Variants in WWP2 observed in about 807,000 individuals in gnomAD.
WWP2 encodes the protein NEDD4-like E3 ubiquitin-protein ligase WWP2.
Under a neutral mutation model 121.0 loss-of-function variants are expected in WWP2, and 57 were observed. The ratio of observed to expected loss-of-function variants is 0.47; its 90% CI spans 0.38 to 0.59. The LOEUF is 0.59. Among genes scored for constraint, WWP2 ranks in the 20% least tolerant of loss-of-function variants. The pLI, the probability that WWP2 is intolerant of heterozygous loss-of-function variation, is 0.00. For synonymous variants in WWP2, 449 were observed against 441.3 expected (o/e 1.02, Z -0.22); for missense variants, 962 against 1,158.9 (o/e 0.83, Z 2.47).
At chr16:69,894,850 A>T (rs1294791076) in intron 8 of WWP2, 2 of 152,236 alleles carry the variant, frequency 1.3e-5, no homozygotes, top group Non-Finnish European at 1.5e-5. Flanking sequence ...TCGGTCCCAC[A>T]CACACAGAGG....
intron 6 of WWP2, among the ~76,000 whole-genome samples, chr16:69,843,299 G>C (rs916299661): frequency 6.6e-6 from 1 of 151,906 alleles, no homozygotes; most frequent in African/African-American, 2.4e-5. Context: ...TACAAATGAC[G>C]TAATGTTATT....
intron 4 of WWP2, among the ~76,000 whole-genome samples, chr16:69,817,702 G>A (rs2056521622): frequency 3.2e-5 from 4 of 126,020 alleles, no homozygotes; most frequent in Admixed American, 1.9e-4. Context: ...ATGGAGTCTC[G>A]CTCCGTCACA....
At chr16:69,786,012 T>G (rs998262673) in intron 1 of WWP2, 2 of 151,622 alleles carry the variant, frequency 1.3e-5, no homozygotes, top group Non-Finnish European at 2.9e-5. Flanking sequence ...CAAGGATTAC[T>G]GTCAGATTCT....
chr16:69,809,936 C>T (rs78683583), intron 4 of WWP2, among the ~76,000 whole-genome samples: 326 of 152,256 alleles, frequency 2.1e-3, no homozygotes, highest in African/African-American at 7.4e-3. Flanking sequence ...ATGGGCTTGC[C>T]CCTTGCTCTT....
chr16:69,853,611 A>G (rs3790087), intron 6 of WWP2, among the ~76,000 whole-genome samples: 24,101 of 152,158 alleles, frequency 0.16, 2,252 homozygotes, highest in East Asian at 0.4. Flanking sequence ...TGTCTGATAC[A>G]GTGGGGCTGA....
At chr16:69,894,140 A>G (rs1334058910) in intron 8 of WWP2, among the ~76,000 whole-genome samples, 3 of 150,072 alleles carry the variant, frequency 2.0e-5, no homozygotes, top group Non-Finnish European at 4.4e-5. Context: ...CAGTGGCAAG[A>G]TCATGGCTCA....
chr16:69,812,477 C>CCCCCT (rs1567679792), intron 4 of WWP2, among the ~76,000 whole-genome samples: 1 of 119,902 alleles, frequency 8.3e-6, no homozygotes, highest in Non-Finnish European at 1.7e-5. Flanking sequence ...AACCCCCCCC[C>CCCCCT]TTTTTTTTTT....
chr16:69,911,764 G>C (rs1475835522), intron 9 of WWP2, among the ~76,000 whole-genome samples: 2 of 152,130 alleles, frequency 1.3e-5, no homozygotes, highest in Non-Finnish European at 2.9e-5. Context: ...CACTAAAATA[G>C]TAATAAAAGT....
chr16:69,822,875 G>A (rs568351696), intron 4 of WWP2, among the ~76,000 whole-genome samples: 2 of 152,302 alleles, frequency 1.3e-5, no homozygotes, highest in South Asian at 4.1e-4. Flanking sequence ...CGTGGCTCAC[G>A]CCTGCAATCC....
intron 19 of WWP2, chr16:69,936,876 G>A (rs547031804): frequency 3.1e-5 from 16 of 520,876 alleles, no homozygotes; most frequent in South Asian, 2.2e-4. Flanking sequence ...AGGTTCAGTC[G>A]GCGCTGGGGG....
intron 1 of WWP2, among the ~76,000 whole-genome samples, chr16:69,767,031 G>A (rs924755533): frequency 6.7e-6 from 1 of 150,092 alleles, no homozygotes; most frequent in East Asian, 1.9e-4. Flanking sequence ...TGGAATAGGG[G>A]TTTTGTTTTT....
chr16:69,930,318 C>A, intron 13 of WWP2, 60 bp downstream of exon 13: 1 of 1,595,716 alleles, frequency 6.3e-7, no homozygotes. Context: ...TGTCCTTGTT[C>A]TGGCTCTGGG....
intron 6 of WWP2, among the ~76,000 whole-genome samples, chr16:69,852,598 T>A (rs9932486): frequency 0.16 from 24,098 of 152,194 alleles, 2,243 homozygotes; most frequent in East Asian, 0.4. Flanking sequence ...TCTTTTCATA[T>A]GCTTATATTC....
At chr16:69,877,803 T>TTTTA (rs1032217218) in intron 7 of WWP2, among the ~76,000 whole-genome samples, 9 of 152,104 alleles carry the variant, frequency 5.9e-5, no homozygotes, top group South Asian at 2.1e-4. Context: ...TAAATTTGCT[T>TTTTA]TTTATTTATT....
rs969758075 is a variant in WWP2 at position 69,799,300 on chromosome 16, G to A, written c.340+5G>A. On this transcript the variant is annotated splice_donor_5th_base_variant and intron_variant, in intron 4 of 23. Coordinates refer to ENST00000359154, the MANE Select transcript of WWP2 (RefSeq NM_001270454.2). This position sits in a 1 kb window ranked among gnomAD's most constrained non-coding sequence, Gnocchi z 4.5. ...TGAAGAACAATGGGGGCAAAAGTAC[G>A]TATGATGAAGGGGGTGCCGACGTGA... 1.9e-6 allele frequency: 3 copies of A among 1,612,670 alleles called. No individual in the cohort carries two copies. Among genetic ancestry groups the A allele is most frequent in the Admixed American group, 1.7e-5 (1 of 59,636 alleles).
chr16:69,919,870 G>A (rs1172060672), intron 10 of WWP2, among the ~76,000 whole-genome samples: 2 of 144,256 alleles, frequency 1.4e-5, no homozygotes, highest in Non-Finnish European at 3.0e-5. Context: ...ATGGCTTATT[G>A]CAGCCTTGAC....
At chr16:69,866,470 C>T (rs925418495) in intron 6 of WWP2, among the ~76,000 whole-genome samples, 2 of 151,780 alleles carry the variant, frequency 1.3e-5, no homozygotes, top group African/African-American at 4.8e-5. Context: ...TCCCTATTTC[C>T]CCCTCTCCCT....
At chr16:69,881,675 C>T (rs1329606572) in intron 7 of WWP2, among the ~76,000 whole-genome samples, 1 of 151,960 alleles carries the variant, frequency 6.6e-6, no homozygotes, top group Non-Finnish European at 1.5e-5. Flanking sequence ...ACAAAAAGAA[C>T]CTGTGGTTTT....
intron 2 of WWP2, among the ~76,000 whole-genome samples, chr16:69,794,901 T>TC (rs1157893042): frequency 8.5e-5 from 13 of 152,096 alleles, no homozygotes; most frequent in African/African-American, 2.9e-4. Context: ...AGGTACTGAA[T>TC]TGGGGGAAAA....
Sources: gnomAD v4.1 joint callset for allele counts (sites outside exome capture counted in the v4.1 genomes callset) on GRCh38, gnomAD v4.1.1 for gene constraint, Gnocchi (gnomAD v3.1) non-coding constraint, MANE v1.5 for transcripts, NCBI Gene and HGNC (gene_info 2026-07-23, HGNC 2026-07-21) for gene names.